ABHD12: variants seen among roughly 807,000 people sequenced by gnomAD.
ABHD12 encodes abhydrolase domain containing 12, lysophospholipase.
A neutral mutation model predicts 58.3 loss-of-function variants in ABHD12; 43 were observed. The ratio of observed to expected loss-of-function variants is 0.74; its 90% CI spans 0.58 to 0.95. The LOEUF (loss-of-function observed/expected upper bound fraction) is 0.95, where lower values mean the gene tolerates loss of function less well. Among genes scored for constraint, ABHD12 ranks in the 40% least tolerant of loss-of-function variants. ABHD12 has a pLI of 0.00. For missense variants in ABHD12, 539 were observed against 537.2 expected (o/e 1.00, Z -0.03); for synonymous variants, 219 against 211.2 (o/e 1.04, Z -0.32).
chr20:25,352,034 C>A (rs369029817), intron 1 of ABHD12, among the ~76,000 whole-genome samples: 69 of 152,268 alleles, frequency 4.5e-4, no homozygotes, highest in African/African-American at 1.6e-3. Context: ...CTCTGAAGCC[C>A]AGGCTGGAGT....
At chr20:25,386,598 G>C (rs2090094230) in intron 1 of ABHD12, among the ~76,000 whole-genome samples, 1 of 151,876 alleles carries the variant, frequency 6.6e-6, no homozygotes, top group African/African-American at 2.4e-5. Context: ...TTAATAAATA[G>C]GCCAGGTGCG....
intron 1 of ABHD12, 36 bp downstream of exon 1, chr20:25,390,477 G>GGGCCCCCCCCCC: frequency 1.0e-5 from 1 of 98,520 alleles, no homozygotes; most frequent in Non-Finnish European, 1.3e-5. Context: ...TGAGGGACCG[G>GGGCCCCCCCCCC]CCCCCCCCCC....
chr20:25,313,905 G>C (rs1425580217), intron 6 of ABHD12, among the ~76,000 whole-genome samples: 1 of 152,034 alleles, frequency 6.6e-6, no homozygotes, highest in East Asian at 1.9e-4. Context: ...GATTTGTTCA[G>C]TGGCAAGCCC....
chr20:25,370,518 C>A (rs115687081), intron 1 of ABHD12, among the ~76,000 whole-genome samples: 5 of 152,188 alleles, frequency 3.3e-5, no homozygotes, highest in Non-Finnish European at 7.3e-5. Context: ...GTGACACTGG[C>A]TCAATATTTT....
chr20:25,326,071 AAAAAAAAAAAAG>A (rs898350198), intron 2 of ABHD12, among the ~76,000 whole-genome samples: 1 of 146,828 alleles, frequency 6.8e-6, no homozygotes, highest in Non-Finnish European at 1.5e-5. Context: ...ACTCTGTCCA[AAAAAAAAAAAAG>A]AAAAGAAAAA....
intron 3 of ABHD12, among the ~76,000 whole-genome samples, chr20:25,321,769 T>C (rs1466047711): frequency 6.6e-6 from 1 of 152,218 alleles, no homozygotes; most frequent in Non-Finnish European, 1.5e-5. Flanking sequence ...GCAAAACAAG[T>C]CATGCTTCAG....
intron 1 of ABHD12, among the ~76,000 whole-genome samples, chr20:25,350,969 A>T (rs2089591424): frequency 3.9e-5 from 1 of 25,880 alleles, no homozygotes; most frequent in Admixed American, 5.4e-4. Flanking sequence ...TCACACACAC[A>T]CACACACACA....
chr20:25,327,813 C>G (rs1490228218), intron 2 of ABHD12, among the ~76,000 whole-genome samples: 1 of 152,158 alleles, frequency 6.6e-6, no homozygotes, highest in Non-Finnish European at 1.5e-5. Context: ...GATAAAATCA[C>G]TATTGTAAAA....
intron 1 of ABHD12, among the ~76,000 whole-genome samples, chr20:25,370,869 A>G (rs1317036905): frequency 3.7e-5 from 5 of 133,626 alleles, no homozygotes; most frequent in Non-Finnish European, 7.9e-5. Context: ...TTTTTTTGGT[A>G]GAGACAGGTT....
At chr20:25,390,475 C>CGGGGGGGGGGG in intron 1 of ABHD12, 38 bp downstream of exon 1, 4 of 1,089,476 alleles carry the variant, frequency 3.7e-6, no homozygotes, top group East Asian at 1.6e-4. Flanking sequence ...AGTGAGGGAC[C>CGGGGGGGGGGG]GGCCCCCCCC....
Position 25,333,290 on chromosome 20 carries a change from G to A in ABHD12, c.316+5937C>T, listed in dbSNP as rs1291314320. 2.5e-5 allele frequency among the ~76,000 whole-genome samples: 3 copies of A among 118,986 alleles called. 1 individual carries two copies. In the Admixed American group the frequency reaches 2.7e-4, roughly 11 times the overall value. The allele number at this position is 118,986 out of a possible 152,430, so 78.1% of individuals were successfully genotyped here. On this transcript the variant is annotated intron_variant, in intron 2 of 12. Transcript: ENST00000339157. Reference sequence around the variant, plus strand: ...TCAATCTCTGAATAGACCAATAACAGGAGCTGAAATTGTGGCAATAATCAA... The same window carrying A: ...TCAATCTCTGAATAGACCAATAACAAGAGCTGAAATTGTGGCAATAATCAA...
At chr20:25,369,927 T>TAAAAAAAAAAAAAAAA (rs3032443) in intron 1 of ABHD12, among the ~76,000 whole-genome samples, 1 of 91,440 alleles carries the variant, frequency 1.1e-5, no homozygotes. Flanking sequence ...GTCTCTGTTA[T>TAAAAAAAAAAAAAAAA]AAAAAAAAAA....
chr20:25,358,809 G>A (rs1389477679), intron 1 of ABHD12, among the ~76,000 whole-genome samples: 1 of 152,140 alleles, frequency 6.6e-6, no homozygotes, highest in Non-Finnish European at 1.5e-5. Flanking sequence ...TGCCAAGGGA[G>A]GCTGGCATCC....
intron 2 of ABHD12, among the ~76,000 whole-genome samples, chr20:25,332,435 T>C (rs958033688): frequency 1.3e-5 from 2 of 149,280 alleles, no homozygotes; most frequent in Admixed American, 1.4e-4. Flanking sequence ...GGAATTGAAC[T>C]CAGCTCTGCA....
downstream of ABHD12, among the ~76,000 whole-genome samples, chr20:25,296,147 C>T (rs764976876): frequency 2.0e-5 from 3 of 152,136 alleles, no homozygotes; most frequent in Non-Finnish European, 4.4e-5. Context: ...AGGCTGGGAC[C>T]TTCTCTCCAG....
intron 2 of ABHD12, among the ~76,000 whole-genome samples, chr20:25,334,974 G>C (rs1231051887): frequency 6.6e-6 from 1 of 152,112 alleles, no homozygotes; most frequent in Non-Finnish European, 1.5e-5. Context: ...TTTAACTAAA[G>C]AGCTTCTGCA....
At chr20:25,296,483 C>A, downstream of ABHD12, 2 of 1,613,808 alleles carry the variant, frequency 1.2e-6, no homozygotes, top group South Asian at 1.1e-5. Flanking sequence ...TGGAGCCCTC[C>A]GACCTGCAGA....
Position 25,339,901 on chromosome 20 carries a change from C to G in ABHD12, c.192-550G>C, listed in dbSNP as rs907264955. ...TGCATTTACGCGTGGGCGAGCCCCT[C>G]TGTACCCACCCAACAGAGGACCCTT... On this transcript the variant is annotated intron_variant, in intron 1 of 12. Coordinates refer to ENST00000339157, the MANE Select transcript of ABHD12 (RefSeq NM_001042472.3). Among the ~76,000 whole-genome samples, 12 of 152,386 alleles carry G rather than the reference C, an allele frequency of 7.9e-5. No homozygotes were observed. In the South Asian group the frequency reaches 2.3e-3, roughly 29 times the overall value.
intron 2 of ABHD12, among the ~76,000 whole-genome samples, chr20:25,330,225 C>G: frequency 6.6e-6 from 1 of 152,248 alleles, no homozygotes; most frequent in East Asian, 1.9e-4. Context: ...AAAATCGGGT[C>G]ACTCCCACCC....
Sources: gnomAD v4.1 joint callset for allele counts (sites outside exome capture counted in the v4.1 genomes callset) on GRCh38, gnomAD v4.1.1 for gene constraint, MANE v1.5 for transcripts, NCBI Gene and HGNC (gene_info 2026-07-23, HGNC 2026-07-21) for gene names.